The following C1orf94 variants were observed in gnomAD, a reference collection of about 807,000 sequenced individuals.
C1orf94 encodes the protein uncharacterized protein C1orf94.
Under a neutral mutation model 53.6 loss-of-function variants are expected in C1orf94, and 45 were observed. That is an observed-to-expected ratio of 0.84 (90% CI 0.66 to 1.08). The LOEUF is 1.08. Among genes scored for constraint, C1orf94 ranks in the 50% least tolerant of loss-of-function variants. C1orf94 has a pLI of 0.00. For synonymous variants in C1orf94, 304 were observed against 296.1 expected (o/e 1.03, Z -0.27); for missense variants, 762 against 738.9 (o/e 1.03, Z -0.36).
intron 4 of C1orf94, 95 bp downstream of exon 4, chr1:34,202,354 T>A: frequency 7.4e-7 from 1 of 1,348,148 alleles, no homozygotes; most frequent in Non-Finnish European, 1.0e-6. Flanking sequence ...ACAGAGTCTT[T>A]AGACTCCTCT....
chr1:34,194,986 C>A (rs1327880461), intron 1 of C1orf94, among the ~76,000 whole-genome samples: 1 of 152,050 alleles, frequency 6.6e-6, no homozygotes, highest in East Asian at 1.9e-4. Context: ...AGATTGGCAG[C>A]CCCTTTATTC....
upstream of C1orf94, among the ~76,000 whole-genome samples, chr1:34,175,234 C>T (rs901576058): frequency 3.3e-5 from 5 of 149,370 alleles, no homozygotes; most frequent in African/African-American, 7.5e-5. Context: ...ATTTAGCCCC[C>T]GTTGCCTGGT....
At chr1:34,201,255 T>C (rs1404879770) in intron 3 of C1orf94, among the ~76,000 whole-genome samples, 1 of 152,216 alleles carries the variant, frequency 6.6e-6, no homozygotes, top group Non-Finnish European at 1.5e-5. Flanking sequence ...CACGTCAGCA[T>C]TATTAATGGT....
chr1:34,208,374 C>A, intron 5 of C1orf94, 140 bp downstream of exon 5: 1 of 798,548 alleles, frequency 1.3e-6, no homozygotes, highest in Non-Finnish European at 2.0e-6. Flanking sequence ...ACTCACATAC[C>A]GGCATGCGTG....
chr1:34,192,908 G>A (rs1174931804), intron 1 of C1orf94, among the ~76,000 whole-genome samples: 1 of 152,110 alleles, frequency 6.6e-6, no homozygotes, highest in Non-Finnish European at 1.5e-5. Context: ...GGAGGAGATG[G>A]GGCCAATTTG....
At chr1:34,217,300 A>G (rs547769568) in intron 6 of C1orf94, among the ~76,000 whole-genome samples, 1 of 152,300 alleles carries the variant, frequency 6.6e-6, no homozygotes, top group East Asian at 1.9e-4. Context: ...TCTGATCAGA[A>G]GTTCTCAACC....
chr1:34,192,242 C>T (rs941229927), intron 1 of C1orf94, among the ~76,000 whole-genome samples: 1 of 152,206 alleles, frequency 6.6e-6, no homozygotes, highest in Non-Finnish European at 1.5e-5. Flanking sequence ...CGGGTGCCCA[C>T]AAAATCTTTC....
chr1:34,200,048 C>T (rs1448838334), intron 2 of C1orf94, among the ~76,000 whole-genome samples: 1 of 152,084 alleles, frequency 6.6e-6, no homozygotes, highest in African/African-American at 2.4e-5. Context: ...CTCTTTTTTT[C>T]TTGTTATGAG....
chr1:34,205,935 A>G (rs968606095), intron 4 of C1orf94, among the ~76,000 whole-genome samples: 1 of 152,202 alleles, frequency 6.6e-6, no homozygotes, highest in Non-Finnish European at 1.5e-5. Context: ...CCATGGCTTA[A>G]GCAAAGAACA....
Position 34,218,742 on chromosome 1 carries a change from G to A in C1orf94, c.1778G>A (p.Gly593Glu), listed in dbSNP as rs373403037. 25 of 1,612,266 alleles carry A rather than the reference G, an allele frequency of 1.6e-5. No homozygotes were observed. Among genetic ancestry groups the A allele is most frequent in the Admixed American group, 8.3e-5 (5 of 59,980 alleles). ...CACAGCCCCTATTTTTCTTCCAGTG[G>A]GAATGGCATAAACTTTTAGATCTCC... The part of the protein sequence containing the change: ...LMHSPYFSSS[G>E]NGINF Residue 593 changes from glycine to glutamate, a missense_variant, in exon 7 of 7, where the codon GGG becomes GAG. Physicochemically the swap from Gly to Glu is moderately conservative, Grantham distance 98. Transcript: ENST00000488417.
At position 34,197,518 on chromosome 1, in the gene C1orf94, C is replaced by T; in HGVS notation, c.614C>T (p.Ser205Phe). ...SSRQDCDSAT[S>F]TVTDILCAAE... ...AGGCAGGACTGTGATTCTGCCACTT[C>T]TACTGTCACAGACATTCTGTGTGCC... The change falls in exon 2 of 7, where the codon TCT becomes TTT. Residue 205 changes from serine to phenylalanine, a missense_variant. Coordinates refer to ENST00000488417, the MANE Select transcript of C1orf94 (RefSeq NM_001134734.2). The surrounding 1 kb of genome is among the most constrained non-coding windows in gnomAD (Gnocchi z 4.1). 1 of 1,614,166 alleles carries T rather than the reference C, an allele frequency of 6.2e-7. No homozygotes were observed. The highest frequency in any genetic ancestry group is 8.5e-7 in the Non-Finnish European group (1 of 1,180,032).
chr1:34,208,563 T>G (rs1642837830), intron 5 of C1orf94, among the ~76,000 whole-genome samples: 1 of 152,152 alleles, frequency 6.6e-6, no homozygotes, highest in African/African-American at 2.4e-5. Flanking sequence ...AGTAAGTAAC[T>G]TGCCCAAAGT....
At chr1:34,175,940 C>A (rs768711816), upstream of C1orf94, among the ~76,000 whole-genome samples, 45 of 151,866 alleles carry the variant, frequency 3.0e-4, no homozygotes, top group Non-Finnish European at 5.0e-4. Flanking sequence ...ACTTTTGCAC[C>A]AACCTAATAG....
At position 34,197,919 on chromosome 1, in the gene C1orf94, T is replaced by G. The variant is rs776024768; in HGVS notation, c.1009+6T>G. ...GGAGAGGCACCACTTGATGGGTGAG[T>G]GGGGTTGGAACTGGGGTAGAGTGGG... On this transcript the variant is annotated splice_donor_region_variant and intron_variant, in intron 2 of 6. Coordinates refer to ENST00000488417, the MANE Select transcript of C1orf94 (RefSeq NM_001134734.2). The surrounding 1 kb of genome is among the most constrained non-coding windows in gnomAD (Gnocchi z 4.1). 3.1e-6 allele frequency: 5 copies of G among 1,609,416 alleles called. No homozygotes were observed. The highest frequency in any genetic ancestry group is 4.2e-6 in the Non-Finnish European group (5 of 1,177,462).
chr1:34,169,337 T>C (rs773871002), intron 1 of C1orf94, among the ~76,000 whole-genome samples: 1 of 152,136 alleles, frequency 6.6e-6, no homozygotes, highest in African/African-American at 2.4e-5. Context: ...GCTCCCTGCC[T>C]GCCCCTCTCA....
intron 6 of C1orf94, among the ~76,000 whole-genome samples, chr1:34,213,286 C>T (rs980105112): frequency 9.2e-5 from 14 of 152,164 alleles, no homozygotes; most frequent in African/African-American, 1.4e-4. Context: ...CCTGCAGTGC[C>T]GACCCATGTC....
At position 34,218,937 on chromosome 1, in the gene C1orf94, C is replaced by T. The variant is rs181896030; in HGVS notation, c.*176C>T. 9 of 445,022 alleles carry T rather than the reference C, an allele frequency of 2.0e-5. No homozygotes were observed. In the East Asian group the frequency reaches 3.0e-4, roughly 15 times the overall value. The allele number at this position is 445,022 out of a possible 1,614,324, so 27.6% of individuals were successfully genotyped here. The stretch of plus-strand genomic sequence containing the variant: ...CCAACACTGACACAAAAATAGCCCT[C>T]CTCACACATGGCACAAGCTACACAC... On this transcript the variant is annotated 3_prime_UTR_variant, in exon 7 of 7. Transcript: ENST00000488417.
At chr1:34,212,117 G>A in intron 5 of C1orf94, 93 bp from the exon 6 acceptor site, 1 of 1,154,154 alleles carries the variant, frequency 8.7e-7, no homozygotes. Flanking sequence ...CAGTGACTGA[G>A]GAGCACAGGG....
Position 34,177,473 on chromosome 1 carries a change from G to C in C1orf94, c.-317G>C, listed in dbSNP as rs996672359. ...GGGGAGAGCCAGCCCTCCCCTTCCA[G>C]CTGTTCCCAGATGTCATTCTGCCCG... On this transcript the variant is annotated 5_prime_UTR_variant, in exon 1 of 7. Coordinates refer to ENST00000488417, the MANE Select transcript of C1orf94 (RefSeq NM_001134734.2). Among the ~76,000 whole-genome samples the C allele has an allele frequency of 6.6e-6, 1 of 152,204 alleles. No individual in the cohort carries two copies. The highest frequency in any genetic ancestry group is 1.5e-5 in the Non-Finnish European group (1 of 68,032).
Sources: allele counts gnomAD v4.1 joint callset (sites outside exome capture counted in the v4.1 genomes callset), GRCh38; gene constraint gnomAD v4.1.1; non-coding constraint Gnocchi (gnomAD v3.1); transcripts MANE v1.5; gene names NCBI Gene and HGNC (gene_info 2026-07-23, HGNC 2026-07-21).